The following PLA2G4E variants were observed in gnomAD, a reference collection of about 807,000 sequenced individuals.
The protein encoded by PLA2G4E is phospholipase A2 group IVE, also known as cytosolic phospholipase A2 epsilon.
Under a neutral mutation model 109.1 loss-of-function variants are expected in PLA2G4E, and 84 were observed. That is an observed-to-expected ratio of 0.77 (90% CI 0.65 to 0.92). The LOEUF is 0.92. PLA2G4E is among the 40% of genes least tolerant of loss of function. The pLI is 0.00. For synonymous variants in PLA2G4E, 469 were observed against 436.1 expected (o/e 1.08, Z -0.94); for missense variants, 1,057 against 1,076.6 (o/e 0.98, Z 0.25).
chr15:41,987,521 G>C, intron 16 of PLA2G4E, 146 bp from the exon 17 acceptor site: 1 of 709,738 alleles, frequency 1.4e-6, no homozygotes, highest in South Asian at 1.8e-5. Context: ...TCAAGGTCCT[G>C]GCACTGGGGT....
chr15:41,995,833 G>T (rs1171527963), intron 11 of PLA2G4E, among the ~76,000 whole-genome samples: 1 of 152,214 alleles, frequency 6.6e-6, no homozygotes, highest in Non-Finnish European at 1.5e-5. Flanking sequence ...CGAGGGTGGT[G>T]GGCAGCTTGT....
At chr15:42,019,011 C>T (rs986208294) in intron 1 of PLA2G4E, among the ~76,000 whole-genome samples, 4 of 152,198 alleles carry the variant, frequency 2.6e-5, no homozygotes, top group Non-Finnish European at 5.9e-5. Context: ...CTTCCAACCA[C>T]CGCCAAGGAA....
rs369685360 is a variant in PLA2G4E at position 42,031,751 on chromosome 15, G to A, written c.184-17994C>T. ...TCTCGGAGACTCCCAGACTTCACAGGGAGAGGGAAGGGGAGGTCTTCTAGC... is the reference window on the plus strand; with the variant it reads ...TCTCGGAGACTCCCAGACTTCACAGAGAGAGGGAAGGGGAGGTCTTCTAGC... On this transcript the variant is annotated intron_variant, in intron 1 of 19. Transcript: ENST00000399518. Among the ~76,000 whole-genome samples the A allele has an allele frequency of 4.7e-4, 71 of 152,320 alleles. 2 individuals are homozygous for A. The South Asian group carries it at 0.014, about 30-fold the overall frequency.
chr15:41,983,873 A>G (rs2068097623), exon 20 of PLA2G4E: 1 of 1,613,332 alleles, frequency 6.2e-7, no homozygotes, highest in Non-Finnish European at 8.5e-7. Context: ...AGCTTGTCAA[A>G]GGTGGCCTCT....
intron 1 of PLA2G4E, among the ~76,000 whole-genome samples, chr15:42,037,154 T>A (rs1460223667): frequency 6.6e-6 from 1 of 152,168 alleles, no homozygotes; most frequent in Non-Finnish European, 1.5e-5. Context: ...ACCAGCAGCC[T>A]GGGCACCATA....
chr15:41,997,962 C>G (rs1371590203), intron 10 of PLA2G4E: 2 of 152,118 alleles, frequency 1.3e-5, no homozygotes, highest in African/African-American at 4.8e-5. Flanking sequence ...CATCCAAGAC[C>G]CTGCCTGATC....
chr15:41,985,375 C>A (rs1316305721), intron 18 of PLA2G4E, among the ~76,000 whole-genome samples: 1 of 152,186 alleles, frequency 6.6e-6, no homozygotes, highest in East Asian at 1.9e-4. Flanking sequence ...ATAAAAACTT[C>A]TGGTTCTGAC....
At chr15:42,005,299 T>G (rs951238691) in intron 4 of PLA2G4E, among the ~76,000 whole-genome samples, 6 of 152,208 alleles carry the variant, frequency 3.9e-5, no homozygotes, top group African/African-American at 1.4e-4. Context: ...CCCAAGGGAC[T>G]CAGTGCCTGT....
intron 2 of PLA2G4E, among the ~76,000 whole-genome samples, chr15:42,009,556 A>C (rs1425327657): frequency 6.6e-6 from 1 of 152,094 alleles, no homozygotes; most frequent in Non-Finnish European, 1.5e-5. Flanking sequence ...CAGCCACTCA[A>C]AGTGGCTGAC....
intron 2 of PLA2G4E, among the ~76,000 whole-genome samples, chr15:42,009,602 A>C (rs1595567692): frequency 6.6e-6 from 1 of 150,898 alleles, no homozygotes; most frequent in African/African-American, 2.4e-5. Context: ...TCATCTCTCC[A>C]CCCTCCCTAA....
chr15:42,002,595 C>T lies in PLA2G4E; in HGVS notation c.609+59G>A, dbSNP rs2068432776. ...CTGTTTTCTCCCTTGGTCCTGTTCC[C>T]CTGAGAGCAGCAGCCAGCCGTGGCC... On this transcript the variant is annotated intron_variant, in intron 6 of 19. Coordinates refer to ENST00000399518, the Ensembl canonical transcript of PLA2G4E. 3.3e-6 allele frequency: 5 copies of T among 1,505,688 alleles called. No individual in the cohort carries two copies. The Admixed American group carries it at 7.8e-5, about 23-fold the overall frequency. The allele number at this position is 1,505,688 out of a possible 1,614,324, so 93.3% of individuals were successfully genotyped here.
At chr15:41,992,034 A>C (rs1362074593) in intron 13 of PLA2G4E, among the ~76,000 whole-genome samples, 1 of 152,194 alleles carries the variant, frequency 6.6e-6, no homozygotes, top group Non-Finnish European at 1.5e-5. Flanking sequence ...GCAGCCACCC[A>C]ACACAGGCTG....
intron 12 of PLA2G4E, among the ~76,000 whole-genome samples, chr15:41,993,605 G>T (rs2068287345): frequency 6.6e-6 from 1 of 152,138 alleles, no homozygotes; most frequent in Admixed American, 6.5e-5. Flanking sequence ...CACTAGCCCT[G>T]GGTCTGGCCT....
intron 1 of PLA2G4E, among the ~76,000 whole-genome samples, chr15:42,037,336 G>C (rs1237222411): frequency 6.6e-6 from 1 of 152,172 alleles, no homozygotes; most frequent in African/African-American, 2.4e-5. Context: ...TCCTCCCCTC[G>C]AAGCCCTGGG....
chr15:41,983,673 C>T (rs1034338179), exon 20 of PLA2G4E: 14 of 1,265,522 alleles, frequency 1.1e-5, no homozygotes, highest in African/African-American at 3.0e-5. Context: ...GAGCTGGCTG[C>T]GTAGTAACCT....
chr15:42,000,035 G>A (rs1326522066), intron 8 of PLA2G4E, 35 bp from the exon 9 acceptor site: 1 of 1,586,792 alleles, frequency 6.3e-7, no homozygotes, highest in Non-Finnish European at 8.6e-7. Context: ...AGAGGGGCTG[G>A]GGAGCTCCTC....
intron 1 of PLA2G4E, among the ~76,000 whole-genome samples, chr15:42,031,951 G>T (rs148619980): frequency 1.1e-3 from 175 of 152,278 alleles, no homozygotes; most frequent in African/African-American, 3.9e-3. Flanking sequence ...GAAGTATTTG[G>T]GTCATGGGGA....
At chr15:41,988,651 TG>T in intron 15 of PLA2G4E, among the ~76,000 whole-genome samples, 1 of 152,306 alleles carries the variant, frequency 6.6e-6, no homozygotes, top group Non-Finnish European at 1.5e-5. Context: ...CTTCGACAGG[TG>T]AGGCAATCTG....
chr15:41,987,674 T>C (rs2068165574), intron 16 of PLA2G4E, among the ~76,000 whole-genome samples: 1 of 152,112 alleles, frequency 6.6e-6, no homozygotes, highest in African/African-American at 2.4e-5. Flanking sequence ...CTCTCCTCAC[T>C]TCTCCTGGGT....
Sources: gnomAD v4.1 joint callset for allele counts (sites outside exome capture counted in the v4.1 genomes callset) on GRCh38, gnomAD v4.1.1 for gene constraint, MANE v1.5 for transcripts, NCBI Gene and HGNC (gene_info 2026-07-23, HGNC 2026-07-21) for gene names.